The following SARM1 variants were observed in gnomAD, a reference collection of about 807,000 sequenced individuals.
The protein encoded by SARM1 is sterile alpha and TIR motif containing 1.
A neutral mutation model predicts 65.1 loss-of-function variants in SARM1; 60 were observed. That is an observed-to-expected ratio of 0.92 (90% CI 0.75 to 1.14). The LOEUF is 1.14. Among genes scored for constraint, SARM1 ranks in the 50% most tolerant of loss-of-function variants. SARM1 has a pLI of 0.00. For missense variants in SARM1, 913 were observed against 1,015.7 expected (o/e 0.90, Z 1.37); for synonymous variants, 417 against 465.4 (o/e 0.90, Z 1.34).
At chr17:28,388,057 C>A in intron 5 of SARM1, 117 bp from the exon 6 acceptor site, 1 of 811,998 alleles carries the variant, frequency 1.2e-6, no homozygotes, top group South Asian at 1.6e-5. Flanking sequence ...GCCACCCTCC[C>A]CAGGCTGGGC....
intron 7 of SARM1, 69 bp downstream of exon 7, chr17:28,388,608 A>G (rs1263019336): frequency 4.0e-6 from 6 of 1,493,296 alleles, no homozygotes; most frequent in Non-Finnish European, 5.5e-6. Flanking sequence ...GTCGTCTTCT[A>G]TTCCTTCTTG....
intron 1 of SARM1, among the ~76,000 whole-genome samples, chr17:28,378,153 A>G (rs2068003761): frequency 2.0e-5 from 3 of 152,246 alleles, no homozygotes; most frequent in South Asian, 2.1e-4. Context: ...CTAAAACCCA[A>G]ATATGGCCAG....
In SARM1 at chr17:28,396,488, T is replaced by C; in HGVS notation, c.*202T>C. ...TCTGGAGAGGGAAGGGAAGTCAGGC[T>C]TGGGCACGGGAGGTTAGAACTCCCC... On this transcript the variant is annotated 3_prime_UTR_variant, in exon 9 of 9. Transcript: ENST00000585482. The C allele has an allele frequency of 4.7e-6, 3 of 638,448 alleles. No homozygotes were observed. In the South Asian group the frequency reaches 6.0e-5, roughly 13 times the overall value. The allele number at this position is 638,448 out of a possible 1,614,324, so 39.5% of individuals were successfully genotyped here.
At position 28,372,820 on chromosome 17, in the gene SARM1, C is replaced by G. The variant is rs1337566818; in HGVS notation, c.470+318C>G. 1.3e-5 allele frequency among the ~76,000 whole-genome samples: 2 copies of G among 152,156 alleles called. No homozygotes were observed. Among genetic ancestry groups the G allele is most frequent in the Admixed American group, 1.3e-4 (2 of 15,276 alleles). On this transcript the variant is annotated intron_variant, in intron 1 of 8. Transcript: ENST00000585482. This position sits in a 1 kb window ranked among gnomAD's most constrained non-coding sequence, Gnocchi z 5.2. ...GCATCCTATTGCCAATTCTCCCTCT[C>G]CCCCGCCCCCCAAGCCCACAGCTCT...
chr17:28,376,315 T>A (rs1555584585), intron 1 of SARM1, among the ~76,000 whole-genome samples: 2 of 147,398 alleles, frequency 1.4e-5, no homozygotes. Flanking sequence ...TCTCAGCACT[T>A]TGGGAGGCCA....
chr17:28,392,716 C>T (rs1033849692), intron 7 of SARM1, among the ~76,000 whole-genome samples: 1 of 152,104 alleles, frequency 6.6e-6, no homozygotes, highest in Non-Finnish European at 1.5e-5. Flanking sequence ...AATGGAGCGG[C>T]TCCCCAGGAA....
Position 28,383,509 on chromosome 17 carries a change from C to T in SARM1, c.1090-848C>T, listed in dbSNP as rs1447762982. Reference sequence around the variant, plus strand: ...GTCAGGGAGGACCTGCTCTACAAGGCAGGTCATTTTGCTTAGGGAAAAGGG... The same window carrying T: ...GTCAGGGAGGACCTGCTCTACAAGGTAGGTCATTTTGCTTAGGGAAAAGGG... On this transcript the variant is annotated intron_variant, in intron 2 of 8. Transcript: ENST00000585482. 4.6e-5 allele frequency among the ~76,000 whole-genome samples: 7 copies of T among 152,178 alleles called. No homozygotes were observed. In the South Asian group the frequency reaches 1.0e-3, roughly 23 times the overall value.
chr17:28,385,340 G>A lies in SARM1; in HGVS notation c.1630+65G>A. 8.1e-7 allele frequency: 1 copy of A among 1,238,908 alleles called. No homozygotes were observed. The highest frequency in any genetic ancestry group is 1.1e-6 in the Non-Finnish European group (1 of 911,178). The allele number at this position is 1,238,908 out of a possible 1,614,324, so 76.7% of individuals were successfully genotyped here. ...CCAGCCACGGCCCTGGAATGGTGAG[G>A]GGAGACACGGGGTGGAGCCTTCCAG... is the stretch of plus-strand genomic sequence containing the variant. On this transcript the variant is annotated intron_variant, in intron 5 of 8. Coordinates refer to ENST00000585482, the MANE Select transcript of SARM1 (RefSeq NM_015077.4). This position sits in a 1 kb window ranked among gnomAD's most constrained non-coding sequence, Gnocchi z 4.5.
At chr17:28,388,305 G>T in intron 6 of SARM1, 29 bp downstream of exon 6, 1 of 1,596,448 alleles carries the variant, frequency 6.3e-7, no homozygotes, top group Non-Finnish European at 8.5e-7. Context: ...GCAGCGACGG[G>T]GCGTGGGGAC....
chr17:28,393,559 C>T (rs1326011630), intron 7 of SARM1, among the ~76,000 whole-genome samples: 6 of 149,824 alleles, frequency 4.0e-5, no homozygotes, highest in Admixed American at 2.0e-4. Context: ...CCCTGCCCCC[C>T]GCCAAAAAAA....
At position 28,399,842 on chromosome 17, in the gene SARM1, G is replaced by T; in HGVS notation, c.*3556G>T. The stretch of plus-strand genomic sequence containing the variant: ...TCTCCTGAACCTCCTCCTTCCCCAA[G>T]CTGAGAAGCTGAGAGCTGGAGGACA... On this transcript the variant is annotated 3_prime_UTR_variant, in exon 9 of 9. Transcript: ENST00000585482. 1.2e-6 allele frequency: 1 copy of T among 853,718 alleles called. No individual in the cohort carries two copies. Among genetic ancestry groups the T allele is most frequent in the Non-Finnish European group, 2.0e-6 (1 of 506,366 alleles). The allele number at this position is 853,718 out of a possible 1,614,324, so 52.9% of individuals were successfully genotyped here.
chr17:28,399,509 GTC>G lies in SARM1; in HGVS notation c.*3229_*3230del. On this transcript the variant is annotated 3_prime_UTR_variant, in exon 9 of 9. Transcript: ENST00000585482. ...CAGCTGTGGATGGGGTGGTGCCTTG[GTC>G]TCTCTTGACTACCTCGTCCAAAGAG... is the stretch of plus-strand genomic sequence containing the variant. 1 of 751,886 alleles carries G rather than the reference GTC, an allele frequency of 1.3e-6. No individual in the cohort carries two copies. The highest frequency in any genetic ancestry group is 1.7e-5 in the South Asian group (1 of 57,490). 46.6% of individuals were successfully genotyped at this position (751,886 alleles called of 1,614,324 possible).
chr17:28,388,002 A>G (rs896395829), intron 5 of SARM1, 172 bp from the exon 6 acceptor site: 20 of 621,206 alleles, frequency 3.2e-5, no homozygotes, highest in Non-Finnish European at 5.5e-5. Flanking sequence ...CCCAACAATA[A>G]CATGACCTTC....
chr17:28,372,246 C>A lies in SARM1; in HGVS notation c.214C>A (p.Leu72Met). ...CGCCCTGGAGCGCGCGCTGCCGGAG[C>A]TGCAGCAGGCCTTGTCCGCGCTGAA... ...QDALERALPE[L>M]QQALSALKQA... is the part of the protein sequence containing the mutation. The change falls in exon 1 of 9, where the codon CTG becomes ATG. Residue 72 changes from leucine (L) to methionine (M), a missense_variant. By Grantham distance (15) the Leu-to-Met change is conservative (BLOSUM62 2). Coordinates refer to ENST00000585482, the MANE Select transcript of SARM1 (RefSeq NM_015077.4). This position sits in a 1 kb window ranked among gnomAD's most constrained non-coding sequence, Gnocchi z 5.2. 1 of 1,387,542 alleles carries A rather than the reference C, an allele frequency of 7.2e-7. No homozygotes were observed. Among genetic ancestry groups the A allele is most frequent in the South Asian group, 1.6e-5 (1 of 61,430 alleles). The allele number at this position is 1,387,542 out of a possible 1,614,324, so 86.0% of individuals were successfully genotyped here.
rs1555588724 is a variant in SARM1 at position 28,398,507 on chromosome 17, A to C, written c.*2221A>C. 6.6e-6 allele frequency: 1 copy of C among 152,350 alleles called. No individual in the cohort carries two copies. The highest frequency in any genetic ancestry group is 2.4e-5 in the African/African-American group (1 of 41,464). The allele number at this position is 152,350 out of a possible 1,614,324, so 9.4% of individuals were successfully genotyped here. ...TGGCTTCTCCTGAGACAGAGGACTCAGAAGTGGCCTTTCCTCCAAAGCCTG... is the reference window on the plus strand; with the variant it reads ...TGGCTTCTCCTGAGACAGAGGACTCCGAAGTGGCCTTTCCTCCAAAGCCTG... On this transcript the variant is annotated 3_prime_UTR_variant, in exon 9 of 9. Coordinates refer to ENST00000585482, the MANE Select transcript of SARM1 (RefSeq NM_015077.4).
intron 7 of SARM1, among the ~76,000 whole-genome samples, chr17:28,389,788 T>C (rs1555586641): frequency 6.6e-6 from 1 of 152,204 alleles, no homozygotes. Context: ...CTCAGGAGAC[T>C]GAGGCAGGGG....
In SARM1 at chr17:28,379,762, T is replaced by A. The variant is rs906397110; in HGVS notation, c.471-1441T>A. 1.1e-4 allele frequency among the ~76,000 whole-genome samples: 16 copies of A among 152,210 alleles called. 1 individual carries two copies. Among genetic ancestry groups the A allele is most frequent in the Admixed American group, 8.5e-4 (13 of 15,278 alleles). On this transcript the variant is annotated intron_variant, in intron 1 of 8. Coordinates refer to ENST00000585482, the MANE Select transcript of SARM1 (RefSeq NM_015077.4). ...AAAGTGATGGGGAAAAGCCTTTAGATTGGATGATTGGAAGGAAGTAACATT... is the reference window on the plus strand; with the variant it reads ...AAAGTGATGGGGAAAAGCCTTTAGAATGGATGATTGGAAGGAAGTAACATT...
rs1479570257 is a variant in SARM1, at chr17:28,372,374, G to T, written c.342G>T (p.Gln114His). ...CGGCCGTGGGCCGCGAGGTAGCCCA[G>T]GGTCTGTGCGACGCCATCCGCCTCG... ...LLPAVGREVA[Q>H]GLCDAIRLDG... The change falls in exon 1 of 9, where the codon CAG becomes CAT. Residue 114 changes from glutamine (Q) to histidine (H), a missense_variant. Physicochemically the swap from Gln to His is conservative, Grantham distance 24. This residue lies in a region of SARM1 where 862 missense variants were observed against 952.1 expected (regional missense o/e 0.91). Coordinates refer to ENST00000585482, the MANE Select transcript of SARM1 (RefSeq NM_015077.4). This position sits in a 1 kb window ranked among gnomAD's most constrained non-coding sequence, Gnocchi z 5.2. 2 of 1,523,164 alleles carry T rather than the reference G, an allele frequency of 1.3e-6. No homozygotes were observed. Among genetic ancestry groups the T allele is most frequent in the South Asian group, 2.4e-5 (2 of 83,394 alleles). The allele number at this position is 1,523,164 out of a possible 1,614,324, so 94.4% of individuals were successfully genotyped here.
intron 7 of SARM1, among the ~76,000 whole-genome samples, chr17:28,388,895 C>T (rs948842217): frequency 3.3e-5 from 5 of 151,916 alleles, no homozygotes; most frequent in Admixed American, 6.6e-5. Flanking sequence ...CTCAGCCTCC[C>T]GAGTAGCTGG....
Sources: allele counts gnomAD v4.1 joint callset (sites outside exome capture counted in the v4.1 genomes callset), GRCh38; gene constraint gnomAD v4.1.1; regional missense constraint gnomAD v4.1.1; non-coding constraint Gnocchi (gnomAD v3.1); transcripts MANE v1.5; gene names NCBI Gene and HGNC (gene_info 2026-07-23, HGNC 2026-07-21).